The following IL1RN variants were observed in gnomAD, a reference collection of about 807,000 sequenced individuals.
The protein encoded by IL1RN is interleukin 1 receptor antagonist.
In IL1RN, 10 loss-of-function variants were observed where a neutral mutation model predicts 13.7. The observed-to-expected ratio is 0.73, with a 90% CI of 0.45 to 1.24. IL1RN has a LOEUF of 1.24. Among genes scored for constraint, IL1RN ranks in the 50% most tolerant of loss-of-function variants. The probability of loss-of-function intolerance (pLI) is 0.00; values close to 1 mark genes in which losing one functional copy is unlikely to be tolerated. For missense variants in IL1RN, 213 were observed against 222.1 expected, an observed-to-expected ratio of 0.96 and a Z score of 0.26; for synonymous variants, 102 against 82.7, an observed-to-expected ratio of 1.23 and a Z score of -1.27.
At chr2:113,121,473 G>A (rs915491291) in intron 2 of IL1RN, 13 of 985,288 alleles carry the variant, frequency 1.3e-5, no homozygotes, top group Middle Eastern at 5.2e-4. Flanking sequence ...AATCATCAAA[G>A]CCAAGAAGGC....
chr2:113,127,060 T>C (rs1686986394), upstream of IL1RN, among the ~76,000 whole-genome samples: 2 of 152,246 alleles, frequency 1.3e-5, no homozygotes, highest in Admixed American at 6.5e-5. Flanking sequence ...GCCAACGTCC[T>C]TTTGTGAAAC....
chr2:113,129,812 C>G, intron 2 of IL1RN, 148 bp downstream of exon 2: 1 of 683,800 alleles, frequency 1.5e-6, no homozygotes, highest in Non-Finnish European at 2.7e-6. Flanking sequence ...GCTGGGAGGG[C>G]CTGGCTACTG....
upstream of IL1RN, chr2:113,127,488 G>T: frequency 6.9e-7 from 1 of 1,442,424 alleles, no homozygotes. Context: ...TTCTCTTTTT[G>T]GAAATGCGAG....
At chr2:113,131,196 C>A in intron 3 of IL1RN, 39 bp downstream of exon 3, 1 of 1,399,562 alleles carries the variant, frequency 7.1e-7, no homozygotes, top group Non-Finnish European at 1.0e-6. Flanking sequence ...CCCCAAAACC[C>A]AGTGGCTTGA....
upstream of IL1RN, among the ~76,000 whole-genome samples, chr2:113,124,385 G>A (rs4251998): frequency 0.022 from 3,326 of 152,216 alleles, 46 homozygotes; most frequent in Admixed American, 0.031. Flanking sequence ...GAGGAAGAGG[G>A]AGAGAGCTTC....
chr2:113,121,629 C>T, intron 2 of IL1RN: 3 of 983,928 alleles, frequency 3.0e-6, no homozygotes, highest in African/African-American at 3.5e-5. Flanking sequence ...GTAAGTTAAC[C>T]ATGTAGATCT....
chr2:113,127,396 G>A (rs1686998335), upstream of IL1RN: 1 of 905,628 alleles, frequency 1.1e-6, no homozygotes. Flanking sequence ...TGGGGAAATT[G>A]CACAGGGGAA....
intron 2 of IL1RN, chr2:113,121,690 T>A: frequency 1.2e-6 from 1 of 805,776 alleles, no homozygotes; most frequent in Non-Finnish European, 1.5e-6. Context: ...TACCATGTCC[T>A]GATCCCCTTC....
upstream of IL1RN, among the ~76,000 whole-genome samples, chr2:113,105,099 C>T (rs1445105821): frequency 6.6e-6 from 1 of 152,106 alleles, no homozygotes; most frequent in East Asian, 1.9e-4. Context: ...GAGGTAGCCT[C>T]GTAGCTGGGC....
intron 1 of IL1RN, among the ~76,000 whole-genome samples, chr2:113,129,343 G>C (rs45554031): frequency 4.3e-4 from 65 of 152,312 alleles, no homozygotes; most frequent in Non-Finnish European, 6.6e-4. Flanking sequence ...AGCAAGTAAG[G>C]AGGGGAGTCA....
chr2:113,110,458 A>G (rs1286326083), upstream of IL1RN, among the ~76,000 whole-genome samples: 2 of 152,194 alleles, frequency 1.3e-5, no homozygotes, highest in East Asian at 3.8e-4. Context: ...TTTTGCTGCA[A>G]GAGACAAAGA....
chr2:113,105,990 C>T (rs1392607290), upstream of IL1RN, among the ~76,000 whole-genome samples: 1 of 152,210 alleles, frequency 6.6e-6, no homozygotes, highest in African/African-American at 2.4e-5. Flanking sequence ...CATTTCATAG[C>T]CATCTCACCA....
In IL1RN at chr2:113,129,607, C is replaced by T. The variant is rs1687087815; in HGVS notation, c.148C>T (p.Leu50=). 1.2e-6 allele frequency: 2 copies of T among 1,612,606 alleles called. No homozygotes were observed. Among genetic ancestry groups the T allele is most frequent in the Admixed American group, 1.7e-5 (1 of 60,008 alleles). The change falls in exon 2 of 4, where the codon CTG becomes TTG. Residue 50 remains leucine (L), a synonymous_variant. Transcript: ENST00000409930. The part of the protein sequence containing the change: ...IWDVNQKTFY[L]RNNQLVAGYL... The stretch of plus-strand genomic sequence containing the variant: ...GGATGTTAACCAGAAGACCTTCTAT[C>T]TGAGGAACAACCAACTAGTTGCTGG...
At position 113,132,946 on chromosome 2, in the gene IL1RN, C is replaced by G. The variant is rs4252026; in HGVS notation, c.*75C>G. The G allele has an allele frequency of 1.1e-4, 163 of 1,454,174 alleles. 1 individual carries two copies. Among genetic ancestry groups the G allele is most frequent in the Middle Eastern group, 3.6e-4 (2 of 5,506 alleles). 90.1% of individuals were successfully genotyped at this position (1,454,174 alleles called of 1,614,324 possible). A position where few individuals can be genotyped will look rare whatever the true frequency, so the allele number is the denominator to read the frequency against. ...GACTGCCAGTCCCCCTGCCCCAGGG[C>G]TCCCGGCTATGGGGGCACTGAGGAC... On this transcript the variant is annotated 3_prime_UTR_variant, in exon 4 of 4. Transcript: ENST00000409930.
chr2:113,132,530 G>T, intron 3 of IL1RN, 126 bp from the exon 4 acceptor site: 1 of 815,336 alleles, frequency 1.2e-6, no homozygotes. Flanking sequence ...GGCTTTTAGG[G>T]TATGGCATTT....
chr2:113,100,509 G>A, the IL1RN span, among the ~76,000 whole-genome samples: 4 of 152,132 alleles, frequency 2.6e-5, no homozygotes, highest in African/African-American at 4.8e-5. Flanking sequence ...AGAATGAGCC[G>A]GACCACAGCT....
the IL1RN span, among the ~76,000 whole-genome samples, chr2:113,099,368 T>G: frequency 6.6e-6 from 1 of 152,228 alleles, no homozygotes; most frequent in Non-Finnish European, 1.5e-5. Context: ...CCAGCTCCCA[T>G]GCAGCCCACA....
At chr2:113,107,171 T>C (rs952450342), upstream of IL1RN, 41 of 152,078 alleles carry the variant, frequency 2.7e-4, no homozygotes, top group African/African-American at 9.4e-4. Flanking sequence ...GAGGAGTTAA[T>C]GTCTGAGACT....
At chr2:113,119,062 A>AAAATG (rs1686680406) in intron 1 of IL1RN, among the ~76,000 whole-genome samples, 1 of 152,190 alleles carries the variant, frequency 6.6e-6, no homozygotes, top group South Asian at 2.1e-4. Flanking sequence ...AAAGATAAAT[A>AAAATG]AAATGAAATA....
Sources: allele counts gnomAD v4.1 joint callset (sites outside exome capture counted in the v4.1 genomes callset), GRCh38; gene constraint gnomAD v4.1.1; transcripts MANE v1.5; gene names NCBI Gene and HGNC (gene_info 2026-07-23, HGNC 2026-07-21).